NRXN1: variants seen among roughly 807,000 people sequenced by gnomAD.
NRXN1 encodes the protein neurexin-1.
Under a neutral mutation model 150.9 loss-of-function variants are expected in NRXN1, and 39 were observed. That is an observed-to-expected ratio of 0.26 (90% confidence interval 0.20 to 0.34). NRXN1 has a LOEUF of 0.34. Ranked by LOEUF, NRXN1 falls within the 10% of genes least tolerant of loss-of-function variation. The pLI is 1.00. For missense variants in NRXN1, 1,815 were observed against 1,949.9 expected, an observed-to-expected ratio of 0.93 and a Z score of 1.30; for synonymous variants, 924 against 757.0, an observed-to-expected ratio of 1.22 and a Z score of -3.62.
rs754048752 is a variant in NRXN1, at chr2:50,497,383, T to C, written c.2829A>G (p.Leu943=). The change falls in exon 14 of 23, where the codon CTA becomes CTG. Residue 943 remains leucine, a synonymous_variant. Coordinates refer to ENST00000401669, the MANE Select transcript of NRXN1 (RefSeq NM_001330078.2). The part of the protein sequence containing the change: ...FKTTSLDGLI[L]YNSGDGNDFI... Reference sequence around the variant, plus strand: ...AGTCATTTCCATCCCCACTGTTATATAGAATTAATCCATCTAGGGATGTTG... The same window carrying C: ...AGTCATTTCCATCCCCACTGTTATACAGAATTAATCCATCTAGGGATGTTG... 1.3e-5 allele frequency: 21 copies of C among 1,579,558 alleles called. No individual in the cohort carries two copies. The South Asian group carries it at 1.8e-4, about 13-fold the overall frequency.
At chr2:50,019,383 G>T in intron 21 of NRXN1, 1 of 464,878 alleles carries the variant, frequency 2.2e-6, no homozygotes, top group Non-Finnish European at 4.4e-6. Flanking sequence ...GGTGGCTCAC[G>T]CCTGTAATCC....
rs371100880 is a variant in NRXN1, at chr2:50,620,013, G to A, written c.1320+9C>T. 17 of 1,561,962 alleles carry A rather than the reference G, an allele frequency of 1.1e-5. No individual in the cohort carries two copies. In the South Asian group the frequency reaches 1.3e-4, roughly 12 times the overall value. ...AATTAGGAATGATTCTGATGGCAAC[G>A]ATATTTACCTCTTTGAGACAGCCCA... On this transcript the variant is annotated intron_variant, in intron 8 of 22. Transcript: ENST00000401669.
intron 21 of NRXN1, among the ~76,000 whole-genome samples, chr2:49,995,663 C>T (rs1490912200): frequency 6.6e-6 from 1 of 151,160 alleles, no homozygotes; most frequent in Non-Finnish European, 1.5e-5. Flanking sequence ...TGTCTGTAGT[C>T]CCAGCTACTC....
chr2:50,337,331 C>T (rs538333876), intron 17 of NRXN1, among the ~76,000 whole-genome samples: 15 of 152,130 alleles, frequency 9.9e-5, no homozygotes, highest in Admixed American at 3.9e-4. Flanking sequence ...ATGATCTGCT[C>T]GCCTCAGCCT....
intron 17 of NRXN1, among the ~76,000 whole-genome samples, chr2:50,291,654 T>C (rs1482568790): frequency 6.6e-6 from 1 of 152,330 alleles, no homozygotes; most frequent in East Asian, 1.9e-4. Context: ...ATGAGTGTCC[T>C]GCTCTCTCAG....
chr2:49,957,747 C>A (rs1675231180), intron 21 of NRXN1, among the ~76,000 whole-genome samples: 1 of 152,080 alleles, frequency 6.6e-6, no homozygotes, highest in Non-Finnish European at 1.5e-5. Context: ...GAAGGAAACC[C>A]TAAATTGGCA....
At chr2:50,935,611 C>T (rs907225520) in intron 2 of NRXN1, among the ~76,000 whole-genome samples, 1 of 152,004 alleles carries the variant, frequency 6.6e-6, no homozygotes, top group African/African-American at 2.4e-5. Context: ...CCTGTAATTC[C>T]AGCTACTCAG....
intron 5 of NRXN1, among the ~76,000 whole-genome samples, chr2:50,773,467 G>A (rs907789698): frequency 1.3e-5 from 2 of 152,120 alleles, no homozygotes; most frequent in African/African-American, 4.8e-5. Context: ...CAGATAGAAG[G>A]CCTGAAATAA....
chr2:50,956,359 T>G (rs1351639604), intron 2 of NRXN1, among the ~76,000 whole-genome samples: 1 of 152,152 alleles, frequency 6.6e-6, no homozygotes, highest in Non-Finnish European at 1.5e-5. Context: ...TGGGGGGCCT[T>G]GGAACATATT....
At chr2:50,520,010 G>A (rs781023426) in intron 12 of NRXN1, among the ~76,000 whole-genome samples, 6 of 151,822 alleles carry the variant, frequency 4.0e-5, no homozygotes, top group African/African-American at 1.2e-4. Flanking sequence ...ATTAGAGAAC[G>A]GGGTGCAAAA....
chr2:50,076,033 C>T (rs1558824157), intron 19 of NRXN1, among the ~76,000 whole-genome samples: 1 of 152,232 alleles, frequency 6.6e-6, no homozygotes, highest in African/African-American at 2.4e-5. Flanking sequence ...TTTTACTCTT[C>T]TGTGATATCA....
chr2:50,554,693 A>C (rs1175076665), intron 8 of NRXN1, among the ~76,000 whole-genome samples: 1 of 152,182 alleles, frequency 6.6e-6, no homozygotes, highest in Non-Finnish European at 1.5e-5. Context: ...AAATTTATCC[A>C]TAGGAAAACA....
chr2:50,111,408 G>C (rs969057015), intron 18 of NRXN1, among the ~76,000 whole-genome samples: 4 of 152,138 alleles, frequency 2.6e-5, no homozygotes, highest in African/African-American at 9.7e-5. Flanking sequence ...TTTGGAGGTT[G>C]AGGCGGGCAG....
At chr2:50,384,890 C>T (rs576577691) in intron 17 of NRXN1, among the ~76,000 whole-genome samples, 1 of 152,300 alleles carries the variant, frequency 6.6e-6, no homozygotes, top group Admixed American at 6.5e-5. Flanking sequence ...ACCCACTCAA[C>T]TCTTGGCAAC....
chr2:50,352,088 G>A (rs533251713), intron 17 of NRXN1, among the ~76,000 whole-genome samples: 5 of 152,264 alleles, frequency 3.3e-5, no homozygotes, highest in Admixed American at 2.6e-4. Flanking sequence ...CCTAAGGACT[G>A]TATGTGCTAA....
At chr2:50,479,639 T>G (rs1263092412) in intron 15 of NRXN1, among the ~76,000 whole-genome samples, 1 of 151,576 alleles carries the variant, frequency 6.6e-6, no homozygotes, top group Non-Finnish European at 1.5e-5. Context: ...TAAATAATCA[T>G]TGAAACAATA....
In NRXN1 at chr2:50,902,553, G is replaced by T. The variant is rs1183570742; in HGVS notation, c.832+19316C>A. On this transcript the variant is annotated intron_variant, in intron 5 of 22. Transcript: ENST00000401669. Reference sequence around the variant, plus strand: ...TTTTGTTTTCTAATTCAATTTGTGAGACAGCACTGGATGTATTGAGAAACA... The same window carrying T: ...TTTTGTTTTCTAATTCAATTTGTGATACAGCACTGGATGTATTGAGAAACA... 2.6e-5 allele frequency among the ~76,000 whole-genome samples: 4 copies of T among 152,146 alleles called. No homozygotes were observed. In the South Asian group the frequency reaches 8.3e-4, roughly 31 times the overall value.
chr2:50,553,470 T>A (rs1667809444), intron 8 of NRXN1, among the ~76,000 whole-genome samples: 1 of 152,346 alleles, frequency 6.6e-6, no homozygotes, highest in Non-Finnish European at 1.5e-5. Context: ...GATACCATTA[T>A]ATACCAGTCC....
chr2:50,745,486 G>T (rs1442294240), intron 5 of NRXN1, among the ~76,000 whole-genome samples: 5 of 149,410 alleles, frequency 3.3e-5, no homozygotes, highest in South Asian at 2.1e-4. Flanking sequence ...TTCTGTCTTG[G>T]TATAGCCTAT....
Sources: allele counts gnomAD v4.1 joint callset (sites outside exome capture counted in the v4.1 genomes callset), GRCh38; gene constraint gnomAD v4.1.1; transcripts MANE v1.5; gene names NCBI Gene and HGNC (gene_info 2026-07-23, HGNC 2026-07-21).